CPVL: variants seen among roughly 807,000 people sequenced by gnomAD.
CPVL encodes probable serine carboxypeptidase CPVL.
In CPVL, 51 loss-of-function variants were observed where a neutral mutation model predicts 63.7. The observed-to-expected ratio is 0.80, with a 90% CI of 0.64 to 1.01. The LOEUF is 1.01. CPVL is among the 50% of genes least tolerant of loss of function. The pLI is 0.00. For missense variants in CPVL, 530 were observed against 573.1 expected (o/e 0.92, Z 0.77); for synonymous variants, 195 against 206.0 (o/e 0.95, Z 0.46).
intron 11 of CPVL, among the ~76,000 whole-genome samples, chr7:29,039,842 AT>A (rs1477274114): frequency 6.6e-6 from 1 of 152,196 alleles, no homozygotes; most frequent in Non-Finnish European, 1.5e-5. Context: ...TTGTTGTTGC[AT>A]TTTTAGACGA....
At chr7:29,095,271 C>T (rs1786289405) in intron 4 of CPVL, 129 bp from the exon 5 acceptor site, 1 of 733,712 alleles carries the variant, frequency 1.4e-6, no homozygotes, top group South Asian at 1.5e-5. Context: ...AACAGTGCTG[C>T]ACACTCTCAT....
intron 8 of CPVL, 105 bp downstream of exon 8, chr7:29,072,196 G>T: frequency 7.8e-7 from 1 of 1,289,102 alleles, no homozygotes; most frequent in Non-Finnish European, 1.1e-6. Context: ...GTCAACTGGT[G>T]TTTCCCTTAT....
chr7:29,176,277 T>TA (rs1167227046), intron 5 of CPVL, among the ~76,000 whole-genome samples: 1 of 151,748 alleles, frequency 6.6e-6, no homozygotes, highest in East Asian at 1.9e-4. Context: ...AGAAGGCCAA[T>TA]AGGTCCTGAG....
chr7:29,055,582 T>C (rs568643971), intron 11 of CPVL, among the ~76,000 whole-genome samples: 1 of 152,306 alleles, frequency 6.6e-6, no homozygotes, highest in East Asian at 1.9e-4. Context: ...TTGCTTCTGC[T>C]AGTTGCCAGA....
At chr7:29,041,638 C>T (rs1043495651) in intron 11 of CPVL, among the ~76,000 whole-genome samples, 5 of 152,050 alleles carry the variant, frequency 3.3e-5, no homozygotes, top group African/African-American at 1.2e-4. Context: ...ACAACCCAAC[C>T]AATAAGAAAC....
intron 11 of CPVL, among the ~76,000 whole-genome samples, chr7:29,057,484 A>G (rs1471971572): frequency 1.3e-5 from 2 of 152,204 alleles, no homozygotes; most frequent in African/African-American, 4.8e-5. Flanking sequence ...TTGGTAAAGT[A>G]GAAGTTATTA....
At chr7:29,156,338 C>A (rs563328140) in intron 5 of CPVL, among the ~76,000 whole-genome samples, 1 of 152,270 alleles carries the variant, frequency 6.6e-6, no homozygotes, top group Non-Finnish European at 1.5e-5. Flanking sequence ...CAAAATTAAG[C>A]TTGGTACTTC....
intron 6 of CPVL, among the ~76,000 whole-genome samples, chr7:29,088,892 T>C (rs1314512431): frequency 6.6e-6 from 1 of 152,122 alleles, no homozygotes; most frequent in Non-Finnish European, 1.5e-5. Context: ...GGAGAATTGC[T>C]TGAACCTGGG....
intron 12 of CPVL, among the ~76,000 whole-genome samples, chr7:28,996,571 A>AAAAACTTG (rs1489396087): frequency 6.6e-6 from 1 of 152,014 alleles, no homozygotes; most frequent in Non-Finnish European, 1.5e-5. Context: ...AAACAAAACA[A>AAAAACTTG]AAAACTTGAC....
intron 2 of CPVL, among the ~76,000 whole-genome samples, chr7:29,119,352 T>C (rs760652464): frequency 5.4e-4 from 82 of 152,218 alleles, no homozygotes; most frequent in Non-Finnish European, 9.0e-4. Context: ...CCGGGCGTGG[T>C]AGCACATGCC....
At chr7:29,163,907 T>C (rs769845123) in intron 5 of CPVL, among the ~76,000 whole-genome samples, 1 of 152,254 alleles carries the variant, frequency 6.6e-6, no homozygotes, top group Non-Finnish European at 1.5e-5. Context: ...AATATATTTG[T>C]CCATTTACTT....
Position 29,019,350 on chromosome 7 carries a change from G to C in CPVL, c.1320+11227C>G, listed in dbSNP as rs1476537085. Reference sequence around the variant, plus strand: ...AATACCAAAAACTTATTACCTTCTAGGTCAGAGCCAACAAGGAGGAACAAG... The same window carrying C: ...AATACCAAAAACTTATTACCTTCTACGTCAGAGCCAACAAGGAGGAACAAG... On this transcript the variant is annotated intron_variant, in intron 12 of 12. Transcript: ENST00000265394. Among the ~76,000 whole-genome samples the C allele has an allele frequency of 3.9e-5, 6 of 152,240 alleles. No individual in the cohort carries two copies. The East Asian group carries it at 1.2e-3, about 29-fold the overall frequency.
chr7:29,109,136 A>C (rs1788008933), intron 3 of CPVL, among the ~76,000 whole-genome samples: 1 of 152,238 alleles, frequency 6.6e-6, no homozygotes, highest in Non-Finnish European at 1.5e-5. Context: ...TATAACTGCT[A>C]CATTTCTGCT....
intron 6 of CPVL, among the ~76,000 whole-genome samples, chr7:29,089,325 T>C (rs573643167): frequency 6.6e-6 from 1 of 152,308 alleles, no homozygotes; most frequent in African/African-American, 2.4e-5. Flanking sequence ...CACTGGAATC[T>C]GGTCAGTTCT....
At position 29,027,441 on chromosome 7, in the gene CPVL, C is replaced by G. The variant is rs185760386; in HGVS notation, c.1320+3136G>C. Among the ~76,000 whole-genome samples the G allele has an allele frequency of 2.8e-3, 431 of 152,250 alleles. 1 individual carries two copies. Among genetic ancestry groups the G allele is most frequent in the African/African-American group, 9.8e-3 (409 of 41,538 alleles). ...AACAAGACAAGAATGTCCCCTTTCA[C>G]CACTCCTATTCAACATAGTACCAGA... On this transcript the variant is annotated intron_variant, in intron 12 of 12. Transcript: ENST00000265394.
At chr7:29,177,026 G>A (rs948159368) in intron 5 of CPVL, among the ~76,000 whole-genome samples, 27 of 152,044 alleles carry the variant, frequency 1.8e-4, no homozygotes, top group African/African-American at 6.3e-4. Flanking sequence ...GCAAGAAAGA[G>A]AGGGGAAAAA....
At chr7:29,012,121 A>C (rs539889350) in intron 12 of CPVL, 1 of 152,340 alleles carries the variant, frequency 6.6e-6, no homozygotes, top group East Asian at 1.9e-4. Context: ...CTAATGAGTA[A>C]CTAATGGAAA....
At chr7:29,068,188 T>G (rs867983954) in intron 9 of CPVL, among the ~76,000 whole-genome samples, 8 of 151,794 alleles carry the variant, frequency 5.3e-5, no homozygotes, top group South Asian at 2.1e-4. Context: ...TTTGTGTGTG[T>G]GTATTTTTAA....
chr7:29,119,903 C>T (rs1344719718), intron 2 of CPVL, among the ~76,000 whole-genome samples: 1 of 152,116 alleles, frequency 6.6e-6, no homozygotes, highest in Non-Finnish European at 1.5e-5. Context: ...GGTCCACCTC[C>T]CCGGGATGTT....
Sources: gnomAD v4.1 joint callset for allele counts (sites outside exome capture counted in the v4.1 genomes callset) on GRCh38, gnomAD v4.1.1 for gene constraint, MANE v1.5 for transcripts, NCBI Gene and HGNC (gene_info 2026-07-23, HGNC 2026-07-21) for gene names.